Variants in MAP2 observed in about 807,000 individuals in gnomAD.
MAP2 encodes microtubule-associated protein 2.
MAP2 carries 14 observed loss-of-function variants against 137.6 expected under a neutral mutation model. The observed-to-expected ratio is 0.10, with a 90% confidence interval of 0.07 to 0.16. The LOEUF is 0.16. MAP2 is among the 10% of genes least tolerant of loss of function. MAP2 has a pLI of 1.00. For missense variants in MAP2, 2,088 were observed against 2,191.5 expected (o/e 0.95, Z 0.94); for synonymous variants, 786 against 782.3 (o/e 1.00, Z -0.08).
intron 1 of MAP2, among the ~76,000 whole-genome samples, chr2:209,436,031 T>TAC (rs1696168119): frequency 1.4e-5 from 1 of 70,806 alleles, no homozygotes; most frequent in Non-Finnish European, 3.6e-5. Context: ...ATAAAATATA[T>TAC]ATATATGTAC....
Position 209,732,245 on chromosome 2 carries a change from G to C in MAP2, c.*1848G>C, listed in dbSNP as rs1163311367. 6.6e-6 allele frequency: 1 copy of C among 152,184 alleles called. No homozygotes were observed. The highest frequency in any genetic ancestry group is 1.9e-4 in the East Asian group (1 of 5,198). The allele number at this position is 152,184 out of a possible 1,614,324, so 9.4% of individuals were successfully genotyped here. ...AAGTATAGAAACATCCAAGACAAAAGCCAAGGGATGCAAAGGCAGAGACAC... is the reference window on the plus strand; with the variant it reads ...AAGTATAGAAACATCCAAGACAAAACCCAAGGGATGCAAAGGCAGAGACAC... On this transcript the variant is annotated 3_prime_UTR_variant, in exon 16 of 16. Transcript: ENST00000682079.
chr2:209,695,463 A>C lies in MAP2; in HGVS notation c.3293A>C (p.His1098Pro). 1 of 1,614,114 alleles carries C rather than the reference A, an allele frequency of 6.2e-7. No individual in the cohort carries two copies. ...ADAFMGVESGHMKEGTKVSET... is the reference protein window; with the variant it reads ...ADAFMGVESGPMKEGTKVSET... ...GCATTTATGGGTGTTGAGTCTGGCC[A>C]CATGAAAGAAGGCACTAAAGTTAGT... is the stretch of plus-strand genomic sequence containing the variant. The change falls in exon 8 of 16, where the codon CAC (histidine) becomes CCC (proline). Residue 1098 changes from histidine (H) to proline (P), a missense_variant. Coordinates refer to ENST00000682079, the MANE Select transcript of MAP2 (RefSeq NM_001375505.1).
intron 10 of MAP2, among the ~76,000 whole-genome samples, chr2:209,697,314 G>A (rs890010657): frequency 2.0e-5 from 3 of 152,092 alleles, no homozygotes; most frequent in Non-Finnish European, 4.4e-5. Flanking sequence ...GTCACGTTCT[G>A]GGGATTCCTA....
chr2:209,460,621 TCTTTA>T (rs1702541459), intron 1 of MAP2, among the ~76,000 whole-genome samples: 1 of 151,814 alleles, frequency 6.6e-6, no homozygotes, highest in African/African-American at 2.4e-5. Flanking sequence ...CTTTCCTTCC[TCTTTA>T]TTTTTTTCTC....
intron 1 of MAP2, among the ~76,000 whole-genome samples, chr2:209,487,412 G>C (rs1372008366): frequency 6.6e-6 from 1 of 152,132 alleles, no homozygotes; most frequent in Admixed American, 6.6e-5. Flanking sequence ...ATGATGGTTT[G>C]GTAGGCCTAG....
At chr2:209,587,318 ACT>A (rs1189147215) in intron 3 of MAP2, among the ~76,000 whole-genome samples, 3 of 152,000 alleles carry the variant, frequency 2.0e-5, no homozygotes, top group African/African-American at 7.3e-5. Flanking sequence ...GCCCCGGGTG[ACT>A]CTGCTTAAAG....
intron 1 of MAP2, among the ~76,000 whole-genome samples, chr2:209,493,019 A>G (rs2059317314): frequency 6.6e-6 from 1 of 152,196 alleles, no homozygotes; most frequent in African/African-American, 2.4e-5. Context: ...ATGCTACCTG[A>G]TTTCAAACTA....
At chr2:209,490,337 G>A (rs938196476) in intron 1 of MAP2, among the ~76,000 whole-genome samples, 4 of 151,992 alleles carry the variant, frequency 2.6e-5, no homozygotes, top group African/African-American at 9.7e-5. Flanking sequence ...CAAATGTAAA[G>A]ACCATCGACA....
intron 10 of MAP2, among the ~76,000 whole-genome samples, 162 bp downstream of exon 10, chr2:209,697,213 C>G (rs1420731375): frequency 6.6e-6 from 1 of 151,576 alleles, no homozygotes; most frequent in Non-Finnish European, 1.5e-5. Context: ...TCTTTTTTCC[C>G]CCCTCCTTAC....
chr2:209,552,023 A>G (rs2069288564), intron 2 of MAP2, among the ~76,000 whole-genome samples: 2 of 152,216 alleles, frequency 1.3e-5, no homozygotes, highest in Non-Finnish European at 2.9e-5. Flanking sequence ...AAGTGCATAA[A>G]TATACTTTTT....
intron 3 of MAP2, among the ~76,000 whole-genome samples, chr2:209,593,619 C>CAAAAAAA (rs781329429): frequency 0.042 from 124 of 2,924 alleles, 36 homozygotes; most frequent in Middle Eastern, 0.5. Flanking sequence ...CCTGTCTCTA[C>CAAAAAAA]AAAAAAAAAA....
At chr2:209,658,064 C>G (rs2153624577) in intron 5 of MAP2, among the ~76,000 whole-genome samples, 1 of 152,254 alleles carries the variant, frequency 6.6e-6, no homozygotes, top group South Asian at 2.1e-4. Flanking sequence ...CTGAAGATAA[C>G]TGGGAGCCTC....
chr2:209,553,413 T>C (rs577461555), intron 2 of MAP2, among the ~76,000 whole-genome samples: 22 of 152,286 alleles, frequency 1.4e-4, no homozygotes, highest in African/African-American at 5.3e-4. Context: ...ATAAACCAGA[T>C]GCTTGTGTTT....
intron 2 of MAP2, among the ~76,000 whole-genome samples, chr2:209,555,125 G>A (rs1234996313): frequency 6.6e-6 from 1 of 151,676 alleles, no homozygotes; most frequent in African/African-American, 2.4e-5. Context: ...ATAGCAAAAG[G>A]GTGCCCAGTG....
At chr2:209,549,409 C>G (rs888072373) in intron 2 of MAP2, among the ~76,000 whole-genome samples, 1 of 152,178 alleles carries the variant, frequency 6.6e-6, no homozygotes, top group Non-Finnish European at 1.5e-5. Flanking sequence ...CTCTACCAAA[C>G]TGTACTCCCT....
chr2:209,730,028 C>T, intron 15 of MAP2, 66 bp downstream of exon 15: 1 of 1,275,610 alleles, frequency 7.8e-7, no homozygotes, highest in South Asian at 1.3e-5. Flanking sequence ...TACTCTTCAT[C>T]AAAATAGGTC....
chr2:209,726,051 C>T (rs144961548), intron 14 of MAP2, among the ~76,000 whole-genome samples: 6 of 152,284 alleles, frequency 3.9e-5, no homozygotes, highest in Middle Eastern at 3.4e-3. Context: ...ATGTACTCAA[C>T]ACGCTTATTG....
chr2:209,573,580 C>T (rs549053680), intron 2 of MAP2, among the ~76,000 whole-genome samples: 49 of 152,272 alleles, frequency 3.2e-4, no homozygotes, highest in African/African-American at 1.1e-3. Context: ...AGGCATGAGC[C>T]GCTGTGCCCA....
At chr2:209,467,251 TG>T (rs1272076097) in intron 1 of MAP2, among the ~76,000 whole-genome samples, 2 of 152,198 alleles carry the variant, frequency 1.3e-5, no homozygotes, top group African/African-American at 4.8e-5. Context: ...ACCTCTTTCC[TG>T]GGGTATTTCT....
Sources: allele counts gnomAD v4.1 joint callset (sites outside exome capture counted in the v4.1 genomes callset), GRCh38; gene constraint gnomAD v4.1.1; transcripts MANE v1.5; gene names NCBI Gene and HGNC (gene_info 2026-07-23, HGNC 2026-07-21).